The following TOM1 variants were observed in gnomAD, a reference collection of about 807,000 sequenced individuals.
The protein encoded by TOM1 is target of Myb protein 1.
In TOM1, 38 loss-of-function variants were observed where a neutral mutation model predicts 61.3. That is an observed-to-expected ratio of 0.62 (90% CI 0.48 to 0.81). The LOEUF is 0.81. Among genes scored for constraint, TOM1 ranks in the 40% least tolerant of loss-of-function variants. TOM1 has a pLI of 0.00. For synonymous variants in TOM1, 270 were observed against 268.8 expected (o/e 1.00, Z -0.04); for missense variants, 591 against 659.6 (o/e 0.90, Z 1.14).
At chr22:35,321,341 C>CT (rs1053425873) in intron 2 of TOM1, among the ~76,000 whole-genome samples, 62 of 145,246 alleles carry the variant, frequency 4.3e-4, no homozygotes, top group Middle Eastern at 3.5e-3. Context: ...TAGGGTTCTG[C>CT]TTTTTTTTTT....
At chr22:35,346,785 G>A in intron 13 of TOM1, 145 bp from the exon 14 acceptor site, 1 of 720,932 alleles carries the variant, frequency 1.4e-6, no homozygotes, top group Non-Finnish European at 2.3e-6. Flanking sequence ...TCCAGGTCCT[G>A]GGACCTGGGT....
chr22:35,306,057 G>T (rs547769231), intron 1 of TOM1, among the ~76,000 whole-genome samples: 95 of 152,256 alleles, frequency 6.2e-4, no homozygotes, highest in African/African-American at 2.2e-3. Context: ...GAATGAGAAT[G>T]ACTGTGCATA....
At chr22:35,314,366 G>T (rs1031290902) in intron 1 of TOM1, among the ~76,000 whole-genome samples, 1 of 152,036 alleles carries the variant, frequency 6.6e-6, no homozygotes, top group Non-Finnish European at 1.5e-5. Context: ...TCTTCTGATT[G>T]GCTCTGCCCA....
chr22:35,318,004 C>T, intron 2 of TOM1, 43 bp downstream of exon 2: 10 of 1,512,738 alleles, frequency 6.6e-6, no homozygotes, highest in Non-Finnish European at 9.2e-6. Context: ...AGACGGCCAT[C>T]CCACCACGCA....
chr22:35,329,233 G>A (rs931567285), intron 7 of TOM1, among the ~76,000 whole-genome samples: 2 of 152,204 alleles, frequency 1.3e-5, no homozygotes, highest in Non-Finnish European at 2.9e-5. Context: ...TGGGATTATA[G>A]GCACGAGCCA....
In TOM1 at chr22:35,323,198, G is replaced by C. The variant is rs755501340; in HGVS notation, c.366+21G>C. 6.2e-7 allele frequency: 1 copy of C among 1,611,834 alleles called. No individual in the cohort carries two copies. Among genetic ancestry groups the C allele is most frequent in the East Asian group, 2.2e-5 (1 of 44,858 alleles). On this transcript the variant is annotated intron_variant, in intron 4 of 14. Transcript: ENST00000449058. This position sits in a 1 kb window ranked among gnomAD's most constrained non-coding sequence, Gnocchi z 4.2. ...TCCAGGTGAGTGCCAGGACAGGGCA[G>C]GGCACGGCCAGGAAGAGCTGTCAGT...
At chr22:35,321,415 G>A (rs568958659) in intron 2 of TOM1, among the ~76,000 whole-genome samples, 8 of 151,568 alleles carry the variant, frequency 5.3e-5, no homozygotes, top group East Asian at 1.9e-4. Context: ...GTACAGTGGC[G>A]CAATCTCGGC....
rs925462755 is a variant in TOM1, at chr22:35,346,847, GC to G, written c.1285-80del. ...GGACCCAGTGCTGAGGTTCAGCGGG[GC>G]CCGAGCTGCAGCACCACTGCCCCAG... On this transcript the variant is annotated intron_variant, in intron 13 of 14. Coordinates refer to ENST00000449058, the MANE Select transcript of TOM1 (RefSeq NM_005488.3). 1.2e-5 allele frequency: 16 copies of G among 1,337,966 alleles called. No homozygotes were observed. In the Admixed American group the frequency reaches 1.2e-4, roughly 10 times the overall value. The allele number at this position is 1,337,966 out of a possible 1,614,324, so 82.9% of individuals were successfully genotyped here. A position where few individuals can be genotyped will look rare whatever the true frequency, so the allele number is the denominator to read the frequency against.
chr22:35,347,398 A>G lies in TOM1; in HGVS notation c.*189A>G. 1.8e-6 allele frequency: 1 copy of G among 555,078 alleles called. No individual in the cohort carries two copies. Among genetic ancestry groups the G allele is most frequent in the Non-Finnish European group, 3.1e-6 (1 of 323,436 alleles). The allele number at this position is 555,078 out of a possible 1,614,324, so 34.4% of individuals were successfully genotyped here. On this transcript the variant is annotated 3_prime_UTR_variant, in exon 15 of 15. Coordinates refer to ENST00000449058, the MANE Select transcript of TOM1 (RefSeq NM_005488.3). ...GAGGCAGTGGGATGAACTGGGGGACAGGTCTGCGCTGCAGTGGGATCTGGC... is the reference window on the plus strand; with the variant it reads ...GAGGCAGTGGGATGAACTGGGGGACGGGTCTGCGCTGCAGTGGGATCTGGC...
chr22:35,334,510 C>T, intron 11 of TOM1, 62 bp downstream of exon 11: 1 of 1,600,598 alleles, frequency 6.2e-7, no homozygotes, highest in Non-Finnish European at 8.5e-7. Flanking sequence ...GTTCTGGAAC[C>T]CGGTTTTATG....
intron 2 of TOM1, chr22:35,321,747 C>T (rs1927807630): frequency 1.4e-6 from 1 of 689,906 alleles, no homozygotes; most frequent in African/African-American, 1.8e-5. Context: ...CAAAGTGACT[C>T]TGCTGCTGGA....
chr22:35,347,156 G>A lies in TOM1; in HGVS notation c.1426G>A (p.Ala476Thr), dbSNP rs866377149. ...GCCCCCGGGTCCCCCATCTGGCCCA[G>A]CGCCCCGGAAGAAGACCCAGGAGAA... ...EGPPGPPSGP[A>T]PRKKTQEKDD... The change falls in exon 15 of 15, where the codon GCG becomes ACG. Residue 476 changes from alanine to threonine, a missense_variant. Ala to Thr is a moderately conservative substitution (Grantham distance 58). Transcript: ENST00000449058. 6.2e-7 allele frequency: 1 copy of A among 1,613,404 alleles called. No homozygotes were observed. Among genetic ancestry groups the A allele is most frequent in the African/African-American group, 1.3e-5 (1 of 74,994 alleles).
In TOM1 at chr22:35,347,555, G is replaced by A. The variant is rs569494954; in HGVS notation, c.*346G>A. The A allele has an allele frequency of 5.7e-5, 11 of 192,448 alleles. No individual in the cohort carries two copies. In the East Asian group the frequency reaches 6.6e-4, roughly 12 times the overall value. The allele number at this position is 192,448 out of a possible 1,614,324, so 11.9% of individuals were successfully genotyped here. ...CCTTCACTGAGTGATACCCTGCTCC[G>A]GGCCCATGCCCCAAGGAGCCCTTCA... On this transcript the variant is annotated 3_prime_UTR_variant, in exon 15 of 15. Transcript: ENST00000449058.
In TOM1 at chr22:35,333,455, C is replaced by T. The variant is rs763511484; in HGVS notation, c.985C>T (p.Pro329Ser). ...TGACCTGATCGACATGGGCCCTGAC[C>T]CAGCAGCCACCGGCAACCTCTCATC... ...AADLIDMGPD[P>S]AATGNLSSQL... Residue 329 changes from proline (P) to serine (S), a missense_variant, in exon 10 of 15, where the codon CCA (proline) becomes TCA (serine). Physicochemically the swap from Pro to Ser is moderately conservative, Grantham distance 74. Coordinates refer to ENST00000449058, the MANE Select transcript of TOM1 (RefSeq NM_005488.3). 1.2e-6 allele frequency: 2 copies of T among 1,614,144 alleles called. No individual in the cohort carries two copies. Among genetic ancestry groups the T allele is most frequent in the Non-Finnish European group, 1.7e-6 (2 of 1,180,024 alleles).
chr22:35,339,734 C>T (rs1430844526), intron 12 of TOM1, among the ~76,000 whole-genome samples: 1 of 151,902 alleles, frequency 6.6e-6, no homozygotes, highest in Non-Finnish European at 1.5e-5. Flanking sequence ...GAAACCCCGT[C>T]TCTACTAAAA....
At chr22:35,307,002 T>C (rs1289542664) in intron 1 of TOM1, among the ~76,000 whole-genome samples, 1 of 151,954 alleles carries the variant, frequency 6.6e-6, no homozygotes, top group African/African-American at 2.4e-5. Flanking sequence ...AATAAGAGTA[T>C]AGTCCCAGAC....
intron 12 of TOM1, among the ~76,000 whole-genome samples, chr22:35,342,665 TACC>T (rs1272727188): frequency 6.6e-6 from 1 of 151,520 alleles, no homozygotes; most frequent in African/African-American, 2.4e-5. Flanking sequence ...CCCCGGTGGG[TACC>T]ACAATACCTG....
intron 8 of TOM1, among the ~76,000 whole-genome samples, chr22:35,332,431 T>C (rs1928916336): frequency 6.6e-6 from 1 of 152,138 alleles, no homozygotes; most frequent in African/African-American, 2.4e-5. Flanking sequence ...AGAAGGAACA[T>C]AATTTACCCG....
chr22:35,326,433 G>A (rs1287081149), intron 6 of TOM1, among the ~76,000 whole-genome samples: 2 of 152,296 alleles, frequency 1.3e-5, no homozygotes, highest in Admixed American at 1.3e-4. Flanking sequence ...TATTGAAAAT[G>A]TTTCCCCAAG....
Sources: gnomAD v4.1 joint callset for allele counts (sites outside exome capture counted in the v4.1 genomes callset) on GRCh38, gnomAD v4.1.1 for gene constraint, Gnocchi (gnomAD v3.1) non-coding constraint, MANE v1.5 for transcripts, NCBI Gene and HGNC (gene_info 2026-07-23, HGNC 2026-07-21) for gene names.